The following BCL6 variants were observed in gnomAD, a reference collection of about 807,000 sequenced individuals.
BCL6 encodes the protein BCL6 transcription repressor, also known as B-cell lymphoma 6 protein.
In BCL6, 7 loss-of-function variants were observed where a neutral mutation model predicts 59.5. That is an observed-to-expected ratio of 0.12 (90% CI 0.07 to 0.22). BCL6 has a LOEUF of 0.22. BCL6 is among the 10% of genes least tolerant of loss of function. The pLI is 1.00. For synonymous variants in BCL6, 339 were observed against 349.7 expected, an observed-to-expected ratio of 0.97 and a Z score of 0.34; for missense variants, 685 against 939.4, an observed-to-expected ratio of 0.73 and a Z score of 3.54.
rs1452948338 is a variant in BCL6, at chr3:187,725,265, A to ACTC, written c.1840-190_1840-188dup. Among the ~76,000 whole-genome samples, 1 of 142,224 alleles carries ACTC rather than the reference A, an allele frequency of 7.0e-6. No individual in the cohort carries two copies. Among genetic ancestry groups the ACTC allele is most frequent in the Non-Finnish European group, 1.5e-5 (1 of 65,066 alleles). 93.3% of individuals were successfully genotyped at this position (142,224 alleles called of 152,430 possible). A position where few individuals can be genotyped will look rare whatever the true frequency, so the allele number is the denominator to read the frequency against. Reference sequence around the variant, plus strand: ...TGCCCACTCCTCTGCTCACCTGCCCACTCTGCTCACCTACCCGCTCTGCTC... The same window carrying ACTC: ...TGCCCACTCCTCTGCTCACCTGCCCACTCCTCTGCTCACCTACCCGCTCTGCTC... On this transcript the variant is annotated intron_variant, in intron 8 of 9. Coordinates refer to ENST00000406870, the MANE Select transcript of BCL6 (RefSeq NM_001706.5). This position sits in a 1 kb window ranked among gnomAD's most constrained non-coding sequence, Gnocchi z 4.7.
intron 1 of BCL6, chr3:187,737,006 C>T (rs760305674): frequency 1.3e-5 from 2 of 152,174 alleles, no homozygotes; most frequent in Non-Finnish European, 2.9e-5. Context: ...CACGCCGCGT[C>T]TCCTAGATTC....
chr3:187,727,797 G>A (rs935431013), intron 6 of BCL6, among the ~76,000 whole-genome samples: 5 of 152,150 alleles, frequency 3.3e-5, no homozygotes, highest in East Asian at 1.9e-4. Flanking sequence ...AGAGCTGGGC[G>A]AAGATTTAGA....
chr3:187,726,645 G>A, intron 7 of BCL6, 86 bp downstream of exon 7: 1 of 1,543,042 alleles, frequency 6.5e-7, no homozygotes, highest in Non-Finnish European at 8.8e-7. Context: ...CAGGTCTCCA[G>A]GCCCCACACA....
In BCL6 at chr3:187,733,672, A is replaced by G; in HGVS notation, c.22T>C (p.Cys8Arg). ...CTGGCATGGCGGGTGAACTGGATAC[A>G]GCTGTCAGCCGGCGAGGCCATTTTG... Reference protein sequence around the residue: MASPADSCIQFTRHASDV... With the variant: MASPADSRIQFTRHASDV... Residue 8 changes from cysteine to arginine, a missense_variant, in exon 3 of 10, where the codon TGT (cysteine) becomes CGT (arginine). Cys to Arg is a radical substitution (Grantham distance 180, BLOSUM62 -3). Coordinates refer to ENST00000406870, the MANE Select transcript of BCL6 (RefSeq NM_001706.5). The G allele has an allele frequency of 6.2e-7, 1 of 1,614,178 alleles. No individual in the cohort carries two copies. Among genetic ancestry groups the G allele is most frequent in the Non-Finnish European group, 8.5e-7 (1 of 1,180,016 alleles).
At chr3:187,730,136 G>GC in intron 4 of BCL6, 115 bp from the exon 5 acceptor site, 1 of 1,392,818 alleles carries the variant, frequency 7.2e-7, no homozygotes, top group Non-Finnish European at 9.5e-7. Flanking sequence ...AGACATAGGT[G>GC]ACGTGGCTCT....
chr3:187,744,777 G>C (rs1230193116), intron 1 of BCL6, among the ~76,000 whole-genome samples: 1 of 151,896 alleles, frequency 6.6e-6, no homozygotes, highest in Non-Finnish European at 1.5e-5. Context: ...CGAGGAAAAA[G>C]AGGAGGGAGG....
chr3:187,730,048 A>T, intron 4 of BCL6, 27 bp from the exon 5 acceptor site: 2 of 1,525,672 alleles, frequency 1.3e-6, no homozygotes, highest in Non-Finnish European at 8.8e-7. Context: ...GAGGAAAGAC[A>T]CCGGCCCCAA....
At chr3:187,728,898 G>C (rs1289192046) in intron 5 of BCL6, 152 bp downstream of exon 5, 1 of 1,126,782 alleles carries the variant, frequency 8.9e-7, no homozygotes, top group African/African-American at 1.6e-5. Flanking sequence ...CTACTTAAGT[G>C]TAAAATACTT....
At chr3:187,732,959 G>A (rs1579818059) in intron 3 of BCL6, among the ~76,000 whole-genome samples, 1 of 152,112 alleles carries the variant, frequency 6.6e-6, no homozygotes, top group East Asian at 1.9e-4. Flanking sequence ...GAAGGCAATA[G>A]TGTAATGCAT....
chr3:187,731,579 A>C (rs546362564), intron 4 of BCL6, 130 bp downstream of exon 4: 11 of 894,286 alleles, frequency 1.2e-5, no homozygotes, highest in Middle Eastern at 3.3e-4. Flanking sequence ...AGAAGTGTGC[A>C]ACAAGAGTGG....
At position 187,725,137 on chromosome 3, in the gene BCL6, C is replaced by A. The variant is rs1718612527; in HGVS notation, c.1840-59G>T. 1 of 1,606,590 alleles carries A rather than the reference C, an allele frequency of 6.2e-7. No individual in the cohort carries two copies. The highest frequency in any genetic ancestry group is 8.5e-7 in the Non-Finnish European group (1 of 1,175,992). ...GGGTGGGCTGCAGGCCTCTGGGCAG[C>A]CCCTCATTAGCACACAGCCAGTGAG... On this transcript the variant is annotated intron_variant, in intron 8 of 9. Transcript: ENST00000406870. The surrounding 1 kb of genome is among the most constrained non-coding windows in gnomAD (Gnocchi z 4.7).
chr3:187,724,812 A>G (rs369057115), intron 9 of BCL6, 129 bp downstream of exon 9: 9 of 1,341,442 alleles, frequency 6.7e-6, no homozygotes, highest in East Asian at 5.0e-5. Context: ...TGGTTGCCCC[A>G]CTGTGTGCTT....
chr3:187,735,244 A>T (rs892081013), intron 1 of BCL6, among the ~76,000 whole-genome samples: 9 of 152,262 alleles, frequency 5.9e-5, no homozygotes, highest in African/African-American at 2.2e-4. Flanking sequence ...GAAAGAAAAA[A>T]TAAGAAAAAT....
intron 9 of BCL6, 68 bp downstream of exon 9, chr3:187,724,873 C>CTCTCCACCTCCTTCCCT: frequency 6.3e-7 from 1 of 1,597,768 alleles, no homozygotes; most frequent in East Asian, 2.2e-5. Context: ...TCCTTCCCTG[C>CTCTCCACCTCCTTCCCT]GCTCCACCTC....
At chr3:187,743,423 G>A (rs1711692253) in intron 1 of BCL6, among the ~76,000 whole-genome samples, 2 of 152,178 alleles carry the variant, frequency 1.3e-5, no homozygotes, top group African/African-American at 4.8e-5. Flanking sequence ...TTCAGCACCT[G>A]GTTTGGGGTC....
chr3:187,728,331 G>A (rs1478336079), intron 6 of BCL6, 29 bp downstream of exon 6: 1 of 1,542,624 alleles, frequency 6.5e-7, no homozygotes, highest in East Asian at 2.4e-5. Context: ...CCTTCTCCCT[G>A]ACAAGAGGAG....
chr3:187,745,277 G>A (rs564418828), intron 1 of BCL6, 133 bp downstream of exon 1: 4 of 398,310 alleles, frequency 1.0e-5, no homozygotes, highest in South Asian at 1.2e-4. Flanking sequence ...AAAGCATTTG[G>A]CAAGAGCGGA....
chr3:187,736,594 G>GAAAC (rs554025210), intron 1 of BCL6: 1 of 152,216 alleles, frequency 6.6e-6, no homozygotes, highest in Non-Finnish European at 1.5e-5. Flanking sequence ...GATGCGGATT[G>GAAAC]AAACAAACAA....
In BCL6 at chr3:187,725,790, C is replaced by A. The variant is rs555393623; in HGVS notation, c.1709-161G>T. ...GAGAGAGAATCCAGGGGCCTGCCCC[C>A]ACATCTGTCAGCCCTCTCTCACACA... On this transcript the variant is annotated intron_variant, in intron 7 of 9. Transcript: ENST00000406870. The surrounding 1 kb of genome is among the most constrained non-coding windows in gnomAD (Gnocchi z 4.7). Among the ~76,000 whole-genome samples the A allele has an allele frequency of 1.4e-4, 22 of 152,342 alleles. No individual in the cohort carries two copies. Among genetic ancestry groups the A allele is most frequent in the East Asian group, 9.6e-4 (5 of 5,182 alleles).
Sources: gnomAD v4.1 joint callset for allele counts (sites outside exome capture counted in the v4.1 genomes callset) on GRCh38, gnomAD v4.1.1 for gene constraint, Gnocchi (gnomAD v3.1) non-coding constraint, MANE v1.5 for transcripts, NCBI Gene and HGNC (gene_info 2026-07-23, HGNC 2026-07-21) for gene names.